The following CTNND2 variants were observed in gnomAD, a reference collection of about 807,000 sequenced individuals.
CTNND2 encodes catenin delta-2.
CTNND2 carries 22 observed loss-of-function variants against 144.4 expected under a neutral mutation model. The observed-to-expected ratio is 0.15, with a 90% CI of 0.11 to 0.22. The LOEUF (loss-of-function observed/expected upper bound fraction) is 0.22. Among genes scored for constraint, CTNND2 ranks in the 10% least tolerant of loss-of-function variants. The pLI is 1.00. For synonymous variants in CTNND2, 751 were observed against 695.6 expected, an observed-to-expected ratio of 1.08 and a Z score of -1.25; for missense variants, 1,353 against 1,618.8, an observed-to-expected ratio of 0.84 and a Z score of 2.82.
At chr5:11,596,824 A>G (rs1240909648) in intron 2 of CTNND2, among the ~76,000 whole-genome samples, 1 of 152,186 alleles carries the variant, frequency 6.6e-6, no homozygotes, top group Admixed American at 6.5e-5. Flanking sequence ...CCCTATGTCT[A>G]GGACTCTAGT....
At chr5:11,217,668 C>G (rs1316196904) in intron 10 of CTNND2, among the ~76,000 whole-genome samples, 1 of 152,170 alleles carries the variant, frequency 6.6e-6, no homozygotes, top group Non-Finnish European at 1.5e-5. Flanking sequence ...TTTCCAGGGT[C>G]TAACAGGAAT....
intron 1 of CTNND2, among the ~76,000 whole-genome samples, chr5:11,820,873 T>G (rs1222065125): frequency 1.3e-5 from 2 of 152,218 alleles, no homozygotes; most frequent in Non-Finnish European, 2.9e-5. Context: ...TAATTGGCAA[T>G]TGTCTGTTAC....
chr5:11,816,026 T>C (rs148960896), intron 1 of CTNND2, among the ~76,000 whole-genome samples: 176 of 152,238 alleles, frequency 1.2e-3, no homozygotes, highest in Middle Eastern at 6.8e-3. Flanking sequence ...CCCACGAGTG[T>C]ACCCTGGTAT....
At chr5:11,779,887 C>G (rs1437358503) in intron 1 of CTNND2, among the ~76,000 whole-genome samples, 1 of 152,158 alleles carries the variant, frequency 6.6e-6, no homozygotes, top group East Asian at 1.9e-4. Context: ...ATTCCTAATT[C>G]CATCTTCCCC....
intron 1 of CTNND2, among the ~76,000 whole-genome samples, chr5:11,793,177 T>C (rs1791227481): frequency 6.6e-6 from 1 of 152,210 alleles, no homozygotes; most frequent in Non-Finnish European, 1.5e-5. Flanking sequence ...TTACTATAAA[T>C]GTCCACTCTT....
intron 10 of CTNND2, among the ~76,000 whole-genome samples, chr5:11,217,746 A>C (rs1039401647): frequency 5.3e-5 from 8 of 152,172 alleles, no homozygotes; most frequent in African/African-American, 1.9e-4. Flanking sequence ...GCCACTAATC[A>C]CTTTTCAAAA....
intron 2 of CTNND2, among the ~76,000 whole-genome samples, chr5:11,580,884 CAG>C (rs1168923085): frequency 3.3e-5 from 5 of 152,150 alleles, no homozygotes; most frequent in East Asian, 1.9e-4. Flanking sequence ...GTAATTCAAA[CAG>C]GGGTAGTTTA....
At chr5:11,477,560 C>T (rs1767873345) in intron 3 of CTNND2, among the ~76,000 whole-genome samples, 1 of 152,000 alleles carries the variant, frequency 6.6e-6, no homozygotes, top group Admixed American at 6.6e-5. Context: ...TACAAGTTCA[C>T]ACCACAACAC....
At chr5:11,802,396 C>T (rs575283778) in intron 1 of CTNND2, among the ~76,000 whole-genome samples, 1 of 151,788 alleles carries the variant, frequency 6.6e-6, no homozygotes, top group Non-Finnish European at 1.5e-5. Context: ...GGAGAAACCC[C>T]GTCCCTACTA....
chr5:11,831,736 G>C (rs1463628866), intron 1 of CTNND2, among the ~76,000 whole-genome samples: 1 of 151,516 alleles, frequency 6.6e-6, no homozygotes, highest in Non-Finnish European at 1.5e-5. Flanking sequence ...TTTGACAAAT[G>C]TATTAATGTA....
intron 19 of CTNND2, among the ~76,000 whole-genome samples, chr5:10,990,012 A>G (rs994417484): frequency 3.9e-5 from 6 of 152,174 alleles, no homozygotes; most frequent in African/African-American, 7.2e-5. Flanking sequence ...ACCCCACCCA[A>G]TGCCAGCTGG....
At chr5:11,567,151 G>T (rs184537291) in intron 2 of CTNND2, among the ~76,000 whole-genome samples, 2 of 151,528 alleles carry the variant, frequency 1.3e-5, no homozygotes, top group African/African-American at 4.9e-5. Context: ...TGTTTATTTT[G>T]TATTTTTTTA....
intron 3 of CTNND2, among the ~76,000 whole-genome samples, chr5:11,564,157 T>G (rs1776893540): frequency 6.6e-6 from 1 of 152,246 alleles, no homozygotes; most frequent in African/African-American, 2.4e-5. Context: ...ACTATTGTGT[T>G]AAGTTCACTG....
intron 12 of CTNND2, among the ~76,000 whole-genome samples, chr5:11,153,982 A>G (rs1757985913): frequency 6.7e-6 from 1 of 149,246 alleles, no homozygotes; most frequent in African/African-American, 2.6e-5. Flanking sequence ...TATGCTCTGC[A>G]AGCTTCTACC....
intron 3 of CTNND2, among the ~76,000 whole-genome samples, chr5:11,469,229 T>G (rs1166032140): frequency 1.3e-5 from 2 of 152,222 alleles, no homozygotes; most frequent in African/African-American, 4.8e-5. Context: ...GATTTCTCCA[T>G]GTTGGGTGCC....
At chr5:11,348,104 C>T (rs543772998) in intron 8 of CTNND2, among the ~76,000 whole-genome samples, 151 of 152,038 alleles carry the variant, frequency 9.9e-4, no homozygotes, top group Non-Finnish European at 1.9e-3. Context: ...TGCATATATT[C>T]CCAGAGGGAC....
At chr5:11,431,417 C>T (rs1402642712) in intron 3 of CTNND2, among the ~76,000 whole-genome samples, 1 of 152,170 alleles carries the variant, frequency 6.6e-6, no homozygotes, top group East Asian at 1.9e-4. Context: ...ATTTTTCTCC[C>T]TCGCCTTGTC....
At chr5:11,742,216 A>C (rs1788057900) in intron 1 of CTNND2, among the ~76,000 whole-genome samples, 1 of 152,136 alleles carries the variant, frequency 6.6e-6, no homozygotes, top group Non-Finnish European at 1.5e-5. Flanking sequence ...AAATATATTG[A>C]TGACTTCTAA....
At chr5:11,473,252 C>T (rs948974404) in intron 3 of CTNND2, among the ~76,000 whole-genome samples, 1 of 152,142 alleles carries the variant, frequency 6.6e-6, no homozygotes, top group Non-Finnish European at 1.5e-5. Context: ...TGGCACCCAA[C>T]TGAAGAAGGC....
Sources: allele counts gnomAD v4.1 joint callset (sites outside exome capture counted in the v4.1 genomes callset), GRCh38; gene constraint gnomAD v4.1.1; transcripts MANE v1.5; gene names NCBI Gene and HGNC (gene_info 2026-07-23, HGNC 2026-07-21).